ZFHX3: variants seen among roughly 807,000 people sequenced by gnomAD.
The protein encoded by ZFHX3 is zinc finger homeobox 3.
In ZFHX3, 42 loss-of-function variants were observed where a neutral mutation model predicts 279.1. The observed-to-expected ratio is 0.15, with a 90% CI of 0.12 to 0.19. The LOEUF (loss-of-function observed/expected upper bound fraction) is 0.19. Among genes scored for constraint, ZFHX3 ranks in the 10% least tolerant of loss-of-function variants. The pLI is 1.00. For synonymous variants in ZFHX3, 2,293 were observed against 1,957.8 expected (o/e 1.17, Z -4.52); for missense variants, 4,981 against 4,754.0 (o/e 1.05, Z -1.40).
intron 2 of ZFHX3, among the ~76,000 whole-genome samples, chr16:73,489,123 C>G (rs924291798): frequency 1.3e-5 from 2 of 152,174 alleles, no homozygotes; most frequent in Non-Finnish European, 2.9e-5. Context: ...TGAATATCAT[C>G]AGTACCTTCC....
intron 3 of ZFHX3, among the ~76,000 whole-genome samples, chr16:72,910,297 G>A (rs147827460): frequency 1.4e-3 from 214 of 152,270 alleles, no homozygotes; most frequent in African/African-American, 5.0e-3. Flanking sequence ...AACAGCCAGG[G>A]AGGAAAAAAT....
intron 4 of ZFHX3, among the ~76,000 whole-genome samples, chr16:73,300,631 G>A (rs539093500): frequency 7.2e-5 from 11 of 152,322 alleles, no homozygotes; most frequent in African/African-American, 2.2e-4. Flanking sequence ...AGCCTCCCGC[G>A]AAGCTGGGAT....
At chr16:73,415,452 G>C (rs1304470428) in intron 3 of ZFHX3, among the ~76,000 whole-genome samples, 2 of 152,126 alleles carry the variant, frequency 1.3e-5, no homozygotes, top group African/African-American at 4.8e-5. Flanking sequence ...TGAAACAGAT[G>C]GTGGAAACAC....
intron 1 of ZFHX3, among the ~76,000 whole-genome samples, chr16:73,005,239 T>A (rs989410372): frequency 2.6e-5 from 4 of 152,224 alleles, no homozygotes; most frequent in Non-Finnish European, 4.4e-5. Context: ...TCACGTCTTA[T>A]AATGCCAGCA....
At chr16:73,170,471 C>T (rs1007599376) in intron 5 of ZFHX3, among the ~76,000 whole-genome samples, 1 of 152,018 alleles carries the variant, frequency 6.6e-6, no homozygotes, top group Non-Finnish European at 1.5e-5. Context: ...CTCAGGTGAT[C>T]CGCCTGCCTC....
At chr16:73,760,260 G>T (rs1466431807) in intron 1 of ZFHX3, among the ~76,000 whole-genome samples, 1 of 152,114 alleles carries the variant, frequency 6.6e-6, no homozygotes, top group Non-Finnish European at 1.5e-5. Context: ...TCCCTGAGTA[G>T]ATCAATAACG....
At chr16:72,811,806 C>A in intron 6 of ZFHX3, 29 bp from the exon 7 acceptor site, 1 of 1,605,876 alleles carries the variant, frequency 6.2e-7, no homozygotes. Context: ...CTGCTTTGAG[C>A]AACTGTGTGT....
chr16:73,787,161 A>C (rs188333407), intron 1 of ZFHX3, among the ~76,000 whole-genome samples: 35 of 152,276 alleles, frequency 2.3e-4, no homozygotes, highest in African/African-American at 5.8e-4. Flanking sequence ...CATGTTTCTG[A>C]GTTACATCTT....
chr16:73,780,108 T>G (rs1218751556), intron 1 of ZFHX3, among the ~76,000 whole-genome samples: 1 of 137,220 alleles, frequency 7.3e-6, no homozygotes, highest in East Asian at 2.2e-4. Flanking sequence ...TCACTGCATT[T>G]GAATTTTTTT....
chr16:73,646,180 A>T (rs1233032916), intron 2 of ZFHX3, among the ~76,000 whole-genome samples: 1 of 152,228 alleles, frequency 6.6e-6, no homozygotes, highest in Non-Finnish European at 1.5e-5. Flanking sequence ...TGAAATTGGG[A>T]ACAGTAACAA....
intron 5 of ZFHX3, among the ~76,000 whole-genome samples, chr16:73,152,614 TTTTC>T (rs1322286383): frequency 2.3e-5 from 2 of 85,170 alleles, no homozygotes; most frequent in African/African-American, 1.1e-4. Context: ...CCTGTAGCAT[TTTTC>T]TTTCTTTTTT....
intron 4 of ZFHX3, among the ~76,000 whole-genome samples, chr16:73,286,846 G>A (rs1567440325): frequency 6.9e-6 from 1 of 144,682 alleles, no homozygotes. Context: ...TGGTGAGTCG[G>A]TGTGTGGGTG....
intron 5 of ZFHX3, among the ~76,000 whole-genome samples, chr16:73,241,305 C>CT (rs75676018): frequency 0.13 from 19,203 of 152,130 alleles, 1,489 homozygotes; most frequent in Non-Finnish European, 0.17. Flanking sequence ...CTCATTTTTG[C>CT]TTTTTGCTTA....
At chr16:73,350,738 G>T (rs954161667) in intron 3 of ZFHX3, among the ~76,000 whole-genome samples, 1 of 152,346 alleles carries the variant, frequency 6.6e-6, no homozygotes. Flanking sequence ...GCTGTTTATG[G>T]TCCTGGTGGC....
intron 3 of ZFHX3, among the ~76,000 whole-genome samples, chr16:73,406,271 G>A (rs1288879198): frequency 6.6e-6 from 1 of 152,214 alleles, no homozygotes; most frequent in Non-Finnish European, 1.5e-5. Context: ...TATTGACCAT[G>A]TGGGTTTTCC....
At position 72,811,631 on chromosome 16, in the gene ZFHX3, G is replaced by A. The variant is rs779183227; in HGVS notation, c.3810C>T (p.His1270=). The part of the protein sequence containing the change: ...MLNNKIHLQL[H]LTHLHSVAPD... Reference sequence around the variant, plus strand: ...GTGCCACGCTGTGGAGGTGGGTGAGGTGCAGCTGGAGGTGGATCTTGTTGT... The same window carrying A: ...GTGCCACGCTGTGGAGGTGGGTGAGATGCAGCTGGAGGTGGATCTTGTTGT... The change falls in exon 7 of 10, where the codon CAC becomes CAT. Residue 1270 remains histidine (H), a synonymous_variant. Coordinates refer to ENST00000268489, the MANE Select transcript of ZFHX3 (RefSeq NM_006885.4). The A allele has an allele frequency of 6.2e-6, 10 of 1,612,914 alleles. No individual in the cohort carries two copies. In the South Asian group the frequency reaches 7.7e-5, roughly 12 times the overall value.
intron 4 of ZFHX3, among the ~76,000 whole-genome samples, chr16:73,296,281 T>C (rs571345397): frequency 6.6e-6 from 1 of 152,292 alleles, no homozygotes; most frequent in South Asian, 2.1e-4. Context: ...TAAGACCTTG[T>C]ATGATAATGG....
chr16:73,564,970 A>G (rs1157090673), intron 2 of ZFHX3, among the ~76,000 whole-genome samples: 1 of 152,170 alleles, frequency 6.6e-6, no homozygotes, highest in East Asian at 1.9e-4. Flanking sequence ...AAACAGTATG[A>G]GGCCAGGCAC....
chr16:73,761,306 C>A (rs1232003019), intron 1 of ZFHX3, among the ~76,000 whole-genome samples: 1 of 152,034 alleles, frequency 6.6e-6, no homozygotes, highest in Non-Finnish European at 1.5e-5. Context: ...TCAAGGAGAA[C>A]TACAAACAAC....
Sources: allele counts gnomAD v4.1 joint callset (sites outside exome capture counted in the v4.1 genomes callset), GRCh38; gene constraint gnomAD v4.1.1; transcripts MANE v1.5; gene names NCBI Gene and HGNC (gene_info 2026-07-23, HGNC 2026-07-21).